Variants in QSER1 observed in about 807,000 individuals in gnomAD.
The protein encoded by QSER1 is glutamine and serine rich 1, also known as glutamine and serine-rich protein 1.
A neutral mutation model predicts 158.5 loss-of-function variants in QSER1; 49 were observed. That is an observed-to-expected ratio of 0.31 (90% CI 0.25 to 0.39). The LOEUF is 0.39. QSER1 is among the 10% of genes least tolerant of loss of function. The pLI is 1.00. For missense variants in QSER1, 1,754 were observed against 2,010.3 expected (o/e 0.87, Z 2.44); for synonymous variants, 650 against 715.5 (o/e 0.91, Z 1.46).
chr11:32,937,122 T>C (rs531922342), intron 4 of QSER1, among the ~76,000 whole-genome samples: 1 of 152,176 alleles, frequency 6.6e-6, no homozygotes, highest in Non-Finnish European at 1.5e-5. Context: ...TCCAGAGATA[T>C]GTTATCTCAT....
chr11:32,905,317 T>G (rs1851678784), intron 1 of QSER1, among the ~76,000 whole-genome samples: 1 of 152,214 alleles, frequency 6.6e-6, no homozygotes, highest in Non-Finnish European at 1.5e-5. Flanking sequence ...TGGATCTGCT[T>G]AAATTAGATG....
At chr11:32,976,133 A>C (rs1392180882) in intron 12 of QSER1, among the ~76,000 whole-genome samples, 1 of 152,232 alleles carries the variant, frequency 6.6e-6, no homozygotes, top group Non-Finnish European at 1.5e-5. Flanking sequence ...GAAGAAATGG[A>C]GAAAGTCTGA....
chr11:32,921,618 T>A (rs963963027), intron 1 of QSER1, among the ~76,000 whole-genome samples: 2 of 152,160 alleles, frequency 1.3e-5, no homozygotes, highest in African/African-American at 2.4e-5. Context: ...TACAAAAGAT[T>A]GTTGAGAGAA....
chr11:32,896,008 T>C (rs1851549656), intron 1 of QSER1, among the ~76,000 whole-genome samples: 1 of 152,214 alleles, frequency 6.6e-6, no homozygotes, highest in Non-Finnish European at 1.5e-5. Context: ...ACTTGGAAAG[T>C]ACAGGGATAA....
intron 9 of QSER1, among the ~76,000 whole-genome samples, chr11:32,967,425 A>G (rs1015948736): frequency 2.0e-5 from 3 of 152,162 alleles, no homozygotes; most frequent in African/African-American, 4.8e-5. Flanking sequence ...CTTCACCACT[A>G]TACAGCTCAT....
intron 4 of QSER1, among the ~76,000 whole-genome samples, chr11:32,938,696 C>G (rs1327262062): frequency 1.3e-5 from 2 of 152,028 alleles, no homozygotes; most frequent in Non-Finnish European, 2.9e-5. Context: ...TGTTTTTTGA[C>G]TTTAAATTAT....
intron 3 of QSER1, 128 bp downstream of exon 3, chr11:32,928,251 G>A: frequency 3.6e-5 from 22 of 606,304 alleles, no homozygotes; most frequent in South Asian, 1.6e-4. Flanking sequence ...TTTAAGACCT[G>A]GAATTTTTCA....
intron 8 of QSER1, among the ~76,000 whole-genome samples, chr11:32,960,402 CAA>C (rs1030739510): frequency 6.6e-6 from 1 of 151,444 alleles, no homozygotes. Flanking sequence ...ACTAAAAATA[CAA>C]AAAAATTAGC....
chr11:32,900,701 G>A lies in QSER1; in HGVS notation c.209+7367G>A, dbSNP rs185872897. Among the ~76,000 whole-genome samples the A allele has an allele frequency of 4.8e-3, 737 of 152,270 alleles. 5 individuals are homozygous for A. Among genetic ancestry groups the A allele is most frequent in the Non-Finnish European group, 6.4e-3 (434 of 68,028 alleles). Reference sequence around the variant, plus strand: ...GGCTTTACTTCTGTTCCTGAAACATGCTAAGATTATTTGTGTCTTAGGACT... The same window carrying A: ...GGCTTTACTTCTGTTCCTGAAACATACTAAGATTATTTGTGTCTTAGGACT... On this transcript the variant is annotated intron_variant, in intron 1 of 12. Transcript: ENST00000650167.
intron 8 of QSER1, among the ~76,000 whole-genome samples, 167 bp downstream of exon 8, chr11:32,958,253 C>T (rs946102870): frequency 5.3e-5 from 8 of 152,164 alleles, no homozygotes; most frequent in African/African-American, 1.9e-4. Flanking sequence ...CCTGAACATA[C>T]CAACTGAAGC....
rs1196853828 is a variant in QSER1, at chr11:32,978,091, A to G, written c.*1617A>G. 1 of 152,638 alleles carries G rather than the reference A, an allele frequency of 6.6e-6. No individual in the cohort carries two copies. The highest frequency in any genetic ancestry group is 1.5e-5 in the Non-Finnish European group (1 of 68,016). 9.5% of individuals were successfully genotyped at this position (152,638 alleles called of 1,614,324 possible). A position where few individuals can be genotyped will look rare whatever the true frequency, so the allele number is the denominator to read the frequency against. On this transcript the variant is annotated 3_prime_UTR_variant, in exon 13 of 13. Coordinates refer to ENST00000650167, the MANE Select transcript of QSER1 (RefSeq NM_001076786.3). ...GCTTACATATTTATTTCTGATGGTT[A>G]TCTTATTAAAAGCAATAATCCTTAA...
chr11:32,927,691 G>A (rs1215048704), intron 2 of QSER1, among the ~76,000 whole-genome samples: 2 of 152,202 alleles, frequency 1.3e-5, no homozygotes, highest in Non-Finnish European at 2.9e-5. Context: ...ACAGGCATGA[G>A]CCGCCACGCC....
chr11:32,920,419 A>T lies in QSER1; in HGVS notation c.210-6738A>T, dbSNP rs896858183. On this transcript the variant is annotated intron_variant, in intron 1 of 12. Transcript: ENST00000650167. ...TAAATGTAAAAGCTAAAACTAAAAA[A>T]CTCTTAGAGAAAACATGGGCATAAA... 3.3e-5 allele frequency among the ~76,000 whole-genome samples: 5 copies of T among 152,190 alleles called. 1 individual carries two copies. Among genetic ancestry groups the T allele is most frequent in the African/African-American group, 1.2e-4 (5 of 41,512 alleles).
chr11:32,920,817 A>G (rs1851890670), intron 1 of QSER1, among the ~76,000 whole-genome samples: 1 of 152,220 alleles, frequency 6.6e-6, no homozygotes, highest in Non-Finnish European at 1.5e-5. Flanking sequence ...CACACCTGTT[A>G]GGATGTCTAC....
At position 32,896,118 on chromosome 11, in the gene QSER1, A is replaced by C. The variant is rs141295814; in HGVS notation, c.209+2784A>C. ...CTTTGCTGAACACCACGCAGTTGGA[A>C]ATACCTTTTGGGGTGCAGTTTTGGA... On this transcript the variant is annotated intron_variant, in intron 1 of 12. Coordinates refer to ENST00000650167, the MANE Select transcript of QSER1 (RefSeq NM_001076786.3). Among the ~76,000 whole-genome samples, 310 of 152,308 alleles carry C rather than the reference A, an allele frequency of 2.0e-3. 1 individual carries two copies. The highest frequency in any genetic ancestry group is 6.9e-3 in the African/African-American group (286 of 41,566).
Position 32,931,947 on chromosome 11 carries a change from A to C in QSER1, c.689A>C (p.Gln230Pro). The change falls in exon 4 of 13, where the codon CAA becomes CCA. Residue 230 changes from glutamine to proline, a missense_variant. Gln to Pro is a moderately conservative substitution (Grantham distance 76, BLOSUM62 -1). Transcript: ENST00000650167. The stretch of plus-strand genomic sequence containing the variant: ...TTAAGTCATCATGACCCTTTGCTAC[A>C]AATCAAGACTTCCCAGGGAACTGTT... The part of the protein sequence containing the change: ...GILSHHDPLL[Q>P]IKTSQGTVPT... 6.2e-7 allele frequency: 1 copy of C among 1,614,180 alleles called. No individual in the cohort carries two copies. The highest frequency in any genetic ancestry group is 8.5e-7 in the Non-Finnish European group (1 of 1,180,002).
intron 1 of QSER1, among the ~76,000 whole-genome samples, chr11:32,907,280 T>A (rs770356829): frequency 2.2e-4 from 34 of 152,362 alleles, no homozygotes; most frequent in Admixed American, 9.1e-4. Context: ...TCTGAACATA[T>A]TCTTTTCTAC....
chr11:32,939,326 C>T (rs1852196412), intron 4 of QSER1, among the ~76,000 whole-genome samples: 1 of 152,110 alleles, frequency 6.6e-6, no homozygotes, highest in Non-Finnish European at 1.5e-5. Flanking sequence ...ATGGACTTGG[C>T]TGAAATGTGT....
intron 1 of QSER1, among the ~76,000 whole-genome samples, chr11:32,913,569 T>A (rs1199986444): frequency 1.3e-5 from 2 of 152,216 alleles, no homozygotes; most frequent in African/African-American, 4.8e-5. Flanking sequence ...TATTTACTTA[T>A]GCTCTTTTAT....
Sources: allele counts gnomAD v4.1 joint callset (sites outside exome capture counted in the v4.1 genomes callset), GRCh38; gene constraint gnomAD v4.1.1; transcripts MANE v1.5; gene names NCBI Gene and HGNC (gene_info 2026-07-23, HGNC 2026-07-21).